The following ZNF514 variants were observed in gnomAD, a reference collection of about 807,000 sequenced individuals.
The protein encoded by ZNF514 is zinc finger protein 514.
ZNF514 carries 12 observed loss-of-function variants against 9.7 expected under a neutral mutation model. The ratio of observed to expected loss-of-function variants is 1.24; its 90% confidence interval spans 0.79 to 2.01. ZNF514 has a LOEUF of 2.01. Among genes scored for constraint, ZNF514 ranks in the 30% most tolerant of loss-of-function variants. The pLI, the probability that ZNF514 is intolerant of heterozygous loss-of-function variation, is 0.00. For missense variants in ZNF514, 467 were observed against 465.5 expected (o/e 1.00, Z -0.03); for synonymous variants, 158 against 163.7 (o/e 0.97, Z 0.27).
chr2:95,140,983 A>G (rs1431588892), downstream of ZNF514, among the ~76,000 whole-genome samples: 1 of 151,996 alleles, frequency 6.6e-6, no homozygotes, highest in South Asian at 2.1e-4. Context: ...TCAAAAAAAA[A>G]AAAAGAAAAG....
rs980583953 is a variant in ZNF514, at chr2:95,157,352, C to T, written c.-8G>A. ...GGAAAAATTAAGAATACAACTCACC[C>T]GAGGCCTGGCTTTCAGGAATGAATT... On this transcript the variant is annotated splice_region_variant and 5_prime_UTR_variant, in exon 2 of 5. Coordinates refer to ENST00000295208, the MANE Select transcript of ZNF514 (RefSeq NM_032788.3). The T allele has an allele frequency of 9.3e-6, 12 of 1,289,346 alleles. No individual in the cohort carries two copies. Among genetic ancestry groups the T allele is most frequent in the Middle Eastern group, 2.1e-4 (1 of 4,696 alleles). 79.9% of individuals were successfully genotyped at this position (1,289,346 alleles called of 1,614,324 possible).
At chr2:95,138,092 G>A in the ZNF514 span, among the ~76,000 whole-genome samples, 1 of 152,202 alleles carries the variant, frequency 6.6e-6, no homozygotes, top group Non-Finnish European at 1.5e-5. Context: ...TATGCTTCCT[G>A]TAAAGCCTGC....
In ZNF514 at chr2:95,146,244, A is replaced by C. The variant is rs991838130; in HGVS notation, c.*3038T>G. 6.6e-6 allele frequency among the ~76,000 whole-genome samples: 1 copy of C among 152,248 alleles called. No individual in the cohort carries two copies. The highest frequency in any genetic ancestry group is 1.5e-5 in the Non-Finnish European group (1 of 68,054). On this transcript the variant is annotated 3_prime_UTR_variant, in exon 5 of 5. Coordinates refer to ENST00000295208, the MANE Select transcript of ZNF514 (RefSeq NM_032788.3). ...CAGGAAACAAGAAAGTGGTAAAGTG[A>C]TAAAAAATTATTTAAATAGATCAAG...
chr2:95,135,524 C>T, the ZNF514 span, among the ~76,000 whole-genome samples: 50 of 151,558 alleles, frequency 3.3e-4, no homozygotes, highest in African/African-American at 1.2e-3. Flanking sequence ...TGGGCTCAAG[C>T]AATCCTCCTA....
In ZNF514 at chr2:95,159,266, A is replaced by AATGATAC; in HGVS notation, c.-123_-122insGTATCAT. 2.9e-4 allele frequency: 50 copies of AATGATAC among 172,580 alleles called. No homozygotes were observed. Among genetic ancestry groups the AATGATAC allele is most frequent in the South Asian group, 9.0e-4 (8 of 8,892 alleles). The allele number at this position is 172,580 out of a possible 1,614,324, so 10.7% of individuals were successfully genotyped here. The stretch of plus-strand genomic sequence containing the variant: ...CCCGGCTCGGCTCCTCCTCAGGACC[A>AATGATAC]GGCTCTGGAACCCAGCTCCCACGTG... On this transcript the variant is annotated 5_prime_UTR_variant, in exon 1 of 5. Coordinates refer to ENST00000295208, the MANE Select transcript of ZNF514 (RefSeq NM_032788.3).
the ZNF514 span, among the ~76,000 whole-genome samples, chr2:95,139,611 AT>A: frequency 7.6e-6 from 1 of 131,702 alleles, no homozygotes; most frequent in South Asian, 2.4e-4. Context: ...GATTTTTTTT[AT>A]TTTTTAGGCT....
In ZNF514 at chr2:95,153,207, C is replaced by T; in HGVS notation, c.47G>A (p.Gly16Glu). 6.2e-7 allele frequency: 1 copy of T among 1,614,042 alleles called. No individual in the cohort carries two copies. Among genetic ancestry groups the T allele is most frequent in the South Asian group, 1.1e-5 (1 of 91,068 alleles). ...GTCCTTCTGAGCAGGGTTCAGCTGC[C>T]CCCACTCCCACTGGCTGAATTCCAC... ...VAVEFSQWEW[G>E]QLNPAQKDLY... The change falls in exon 3 of 5, where the codon GGG becomes GAG. Residue 16 changes from glycine (G) to glutamate (E), a missense_variant. Physicochemically the swap from Gly to Glu is moderately conservative, Grantham distance 98. Coordinates refer to ENST00000295208, the MANE Select transcript of ZNF514 (RefSeq NM_032788.3).
At chr2:95,143,127 G>A (rs981150130), downstream of ZNF514, among the ~76,000 whole-genome samples, 2 of 152,154 alleles carry the variant, frequency 1.3e-5, no homozygotes, top group Admixed American at 6.5e-5. Flanking sequence ...AGATATCCTG[G>A]TACAGTTTAC....
At chr2:95,151,359 G>A (rs1402175535) in intron 4 of ZNF514, among the ~76,000 whole-genome samples, 1 of 152,220 alleles carries the variant, frequency 6.6e-6, no homozygotes, top group Non-Finnish European at 1.5e-5. Context: ...GTCTCTAGAA[G>A]CTGGGAACAC....
At chr2:95,127,458 TCTA>T in the ZNF514 span, among the ~76,000 whole-genome samples, 2 of 152,230 alleles carry the variant, frequency 1.3e-5, no homozygotes, top group Non-Finnish European at 2.9e-5. Context: ...TTGTGTTTGT[TCTA>T]CTGTCTATAT....
In ZNF514 at chr2:95,146,892, G is replaced by C. The variant is rs1246842087; in HGVS notation, c.*2390C>G. On this transcript the variant is annotated 3_prime_UTR_variant, in exon 5 of 5. Coordinates refer to ENST00000295208, the MANE Select transcript of ZNF514 (RefSeq NM_032788.3). Reference sequence around the variant, plus strand: ...CTTGGCTGTCCAGGAATAAATTTCTGTGTGATCTTGACCTCAGCTGTCCAA... The same window carrying C: ...CTTGGCTGTCCAGGAATAAATTTCTCTGTGATCTTGACCTCAGCTGTCCAA... Among the ~76,000 whole-genome samples, 2 of 152,014 alleles carry C rather than the reference G, an allele frequency of 1.3e-5. No individual in the cohort carries two copies. The highest frequency in any genetic ancestry group is 4.8e-5 in the African/African-American group (2 of 41,368).
In ZNF514 at chr2:95,159,001, G is replaced by A. The variant is rs747567296; in HGVS notation, c.-96+239C>T. The A allele has an allele frequency of 4.1e-5, 52 of 1,281,144 alleles. No individual in the cohort carries two copies. The East Asian group carries it at 7.3e-4, about 18-fold the overall frequency. The allele number at this position is 1,281,144 out of a possible 1,614,324, so 79.4% of individuals were successfully genotyped here. A position where few individuals can be genotyped will look rare whatever the true frequency, so the allele number is the denominator to read the frequency against. ...GAGTCCATAGCTGGGGCTAAGGAGC[G>A]GCGTCCTTTCACTAGGTCCAAATCT... is the stretch of plus-strand genomic sequence containing the variant. On this transcript the variant is annotated intron_variant, in intron 1 of 4. Transcript: ENST00000295208.
the ZNF514 span, among the ~76,000 whole-genome samples, chr2:95,125,970 A>C: frequency 6.6e-6 from 1 of 152,220 alleles, no homozygotes; most frequent in African/African-American, 2.4e-5. Flanking sequence ...ATTTTGAAAT[A>C]TATCCATCAT....
Position 95,159,226 on chromosome 2 carries a change from G to T in ZNF514, c.-96+14C>A. 1 of 202,538 alleles carries T rather than the reference G, an allele frequency of 4.9e-6. No individual in the cohort carries two copies. The highest frequency in any genetic ancestry group is 9.8e-6 in the Non-Finnish European group (1 of 101,698). 12.5% of individuals were successfully genotyped at this position (202,538 alleles called of 1,614,324 possible). On this transcript the variant is annotated intron_variant, in intron 1 of 4. Transcript: ENST00000295208. ...CGGGGTCGTGCTCTTCCCTCGCCAA[G>T]TCCGGCCTCCTACCCCCGGCTCGGC... is the stretch of plus-strand genomic sequence containing the variant.
the ZNF514 span, among the ~76,000 whole-genome samples, chr2:95,131,057 C>T: frequency 1.3e-5 from 2 of 152,312 alleles, no homozygotes; most frequent in African/African-American, 2.4e-5. Flanking sequence ...TGGTTTCAGC[C>T]GGTCCCTCTG....
downstream of ZNF514, among the ~76,000 whole-genome samples, chr2:95,141,399 T>G (rs1341683899): frequency 7.9e-5 from 12 of 152,172 alleles, no homozygotes; most frequent in Non-Finnish European, 2.9e-5. Flanking sequence ...CCAGAATACC[T>G]TAGGGCCATT....
the ZNF514 span, among the ~76,000 whole-genome samples, chr2:95,127,571 TTTTG>T: frequency 2.6e-4 from 38 of 148,930 alleles, no homozygotes; most frequent in South Asian, 5.4e-3. Context: ...GTTGTTTTGT[TTTTG>T]TTTTTGTTTT....
the ZNF514 span, among the ~76,000 whole-genome samples, chr2:95,133,287 C>T: frequency 6.6e-6 from 1 of 151,986 alleles, no homozygotes; most frequent in African/African-American, 2.4e-5. Flanking sequence ...TGAGCTGCGA[C>T]AACACCACTG....
chr2:95,156,994 T>G lies in ZNF514; in HGVS notation c.-7+357A>C, dbSNP rs558087734. ...AAAGGCCTGTCTGTGCCACTCCATT[T>G]GGCATCAAACCATTCACATCCTGTT... On this transcript the variant is annotated intron_variant, in intron 2 of 4. Transcript: ENST00000295208. 3.9e-5 allele frequency among the ~76,000 whole-genome samples: 6 copies of G among 152,362 alleles called. No individual in the cohort carries two copies. The South Asian group carries it at 1.2e-3, about 32-fold the overall frequency.
Sources: gnomAD v4.1 joint callset for allele counts (sites outside exome capture counted in the v4.1 genomes callset) on GRCh38, gnomAD v4.1.1 for gene constraint, MANE v1.5 for transcripts, NCBI Gene and HGNC (gene_info 2026-07-23, HGNC 2026-07-21) for gene names.